SNX6: variants seen among roughly 807,000 people sequenced by gnomAD.
SNX6 encodes sorting nexin 6, also known as sorting nexin-6.
A neutral mutation model predicts 63.0 loss-of-function variants in SNX6; 34 were observed. The observed-to-expected ratio is 0.54, with a 90% confidence interval of 0.41 to 0.72. The LOEUF is 0.72. Ranked by LOEUF, SNX6 falls within the 30% of genes least tolerant of loss-of-function variation. SNX6 has a pLI of 0.00. For missense variants in SNX6, 398 were observed against 471.4 expected, an observed-to-expected ratio of 0.84 and a Z score of 1.44; for synonymous variants, 170 against 164.2, an observed-to-expected ratio of 1.04 and a Z score of -0.27.
At chr14:34,601,414 CG>C (rs1392104152) in intron 6 of SNX6, among the ~76,000 whole-genome samples, 1 of 150,898 alleles carries the variant, frequency 6.6e-6, no homozygotes, top group Non-Finnish European at 1.5e-5. Context: ...TAAGTAGAGA[CG>C]GGGTTTCACC....
intron 2 of SNX6, among the ~76,000 whole-genome samples, chr14:34,626,732 T>C (rs909653263): frequency 6.6e-6 from 1 of 150,458 alleles, no homozygotes; most frequent in Admixed American, 6.6e-5. Context: ...CATGAGCAAA[T>C]CTTTCTGAAG....
At position 34,587,798 on chromosome 14, in the gene SNX6, A is replaced by ATT. The variant is rs1168575667; in HGVS notation, c.719-1495_719-1494dup. On this transcript the variant is annotated intron_variant, in intron 8 of 13. Coordinates refer to ENST00000362031, the MANE Select transcript of SNX6 (RefSeq NM_152233.4). ...AGGCACATGCCACCACGGTTGGCTA[A>ATT]TTTTTTTTTTTTTTTTTTTTTGGCG... Among the ~76,000 whole-genome samples, 477 of 107,054 alleles carry ATT rather than the reference A, an allele frequency of 4.5e-3. 3 individuals are homozygous for ATT. The highest frequency in any genetic ancestry group is 0.015 in the African/African-American group (411 of 28,338). 70.2% of individuals were successfully genotyped at this position (107,054 alleles called of 152,430 possible).
intron 10 of SNX6, 125 bp from the exon 11 acceptor site, chr14:34,575,967 A>C (rs2138279048): frequency 2.4e-6 from 1 of 408,478 alleles, no homozygotes; most frequent in African/African-American, 2.2e-5. Flanking sequence ...TCTGTCACCC[A>C]GGCTGGAGTG....
chr14:34,577,637 G>A (rs1881762949), intron 10 of SNX6, among the ~76,000 whole-genome samples: 1 of 152,054 alleles, frequency 6.6e-6, no homozygotes, highest in Non-Finnish European at 1.5e-5. Context: ...CGGGACAGAG[G>A]ATGAAAAGAA....
chr14:34,610,547 A>T (rs1307195526), intron 2 of SNX6, among the ~76,000 whole-genome samples: 1 of 152,170 alleles, frequency 6.6e-6, no homozygotes, highest in Non-Finnish European at 1.5e-5. Context: ...GAAACTATCA[A>T]ATATAATTAA....
At chr14:34,628,121 G>T (rs1249100885) in intron 2 of SNX6, among the ~76,000 whole-genome samples, 2 of 152,110 alleles carry the variant, frequency 1.3e-5, no homozygotes, top group Non-Finnish European at 2.9e-5. Flanking sequence ...CTTAGGCCCA[G>T]GAGTTTGACA....
chr14:34,629,489 C>A (rs770424403), intron 2 of SNX6: 43 of 481,308 alleles, frequency 8.9e-5, no homozygotes, highest in South Asian at 6.0e-4. Context: ...GAAGGGTGGG[C>A]GGGAGCAAGT....
At chr14:34,597,524 C>G (rs182906660) in intron 7 of SNX6, 26 bp downstream of exon 7, 1 of 1,313,416 alleles carries the variant, frequency 7.6e-7, no homozygotes, top group East Asian at 2.3e-5. Context: ...TCAACTAATA[C>G]CACAGTTAAT....
chr14:34,569,072 C>T, intron 11 of SNX6: 1 of 1,151,140 alleles, frequency 8.7e-7, no homozygotes, highest in Non-Finnish European at 1.3e-6. Flanking sequence ...CTGAGGAAGG[C>T]TGCCAGAGCT....
At position 34,619,794 on chromosome 14, in the gene SNX6, T is replaced by C. The variant is rs115035391; in HGVS notation, c.55-10052A>G. 5.0e-3 allele frequency among the ~76,000 whole-genome samples: 755 copies of C among 152,228 alleles called. 5 individuals carry two copies. Among genetic ancestry groups the C allele is most frequent in the African/African-American group, 0.017 (715 of 41,540 alleles). On this transcript the variant is annotated intron_variant, in intron 2 of 13. Transcript: ENST00000362031. The stretch of plus-strand genomic sequence containing the variant: ...CTCCATGAATGCCATTCCAATACCT[T>C]TCCTGCTGGTCCCTTCAACTCTCAC...
chr14:34,562,931 G>T lies in SNX6; in HGVS notation c.*191C>A. Reference sequence around the variant, plus strand: ...CCACTGTCATGGGGAACACAGTGCGGCATCACGGCACACAGACTGGCATCG... The same window carrying T: ...CCACTGTCATGGGGAACACAGTGCGTCATCACGGCACACAGACTGGCATCG... On this transcript the variant is annotated 3_prime_UTR_variant, in exon 14 of 14. Coordinates refer to ENST00000362031, the MANE Select transcript of SNX6 (RefSeq NM_152233.4). 1.6e-6 allele frequency: 1 copy of T among 612,542 alleles called. No homozygotes were observed. The highest frequency in any genetic ancestry group is 2.9e-6 in the Non-Finnish European group (1 of 340,974). 37.9% of individuals were successfully genotyped at this position (612,542 alleles called of 1,614,324 possible). A position where few individuals can be genotyped will look rare whatever the true frequency, so the allele number is the denominator to read the frequency against.
chr14:34,613,114 A>G (rs1388326446), intron 2 of SNX6, among the ~76,000 whole-genome samples: 1 of 151,794 alleles, frequency 6.6e-6, no homozygotes, highest in Non-Finnish European at 1.5e-5. Context: ...GTGACCATGG[A>G]GGCAGATTAG....
intron 10 of SNX6, among the ~76,000 whole-genome samples, chr14:34,580,134 G>A (rs1881877161): frequency 6.6e-6 from 1 of 152,136 alleles, no homozygotes; most frequent in Non-Finnish European, 1.5e-5. Flanking sequence ...AGCCGAGATC[G>A]TGCCACTGCA....
intron 3 of SNX6, among the ~76,000 whole-genome samples, chr14:34,609,237 G>A (rs1016329305): frequency 6.6e-6 from 1 of 151,908 alleles, no homozygotes; most frequent in African/African-American, 2.4e-5. Context: ...TGTAATCCCA[G>A]CACTTTGGGC....
rs534215582 is a variant in SNX6, at chr14:34,605,032, CTATTAGTTTCATATATACTAGAAATG to C, written c.392+538_392+563del. 1.5e-3 allele frequency among the ~76,000 whole-genome samples: 223 copies of C among 152,200 alleles called. 3 individuals carry two copies. Among genetic ancestry groups the C allele is most frequent in the African/African-American group, 5.1e-3 (213 of 41,538 alleles). ...TTAAAAACTGTTTTTCATTAAATGACTATTAGTTTCATATATACTAGAAATGTATTAGTTTCTTGAAAAAACTGTGA... is the reference window on the plus strand; with the variant it reads ...TTAAAAACTGTTTTTCATTAAATGACTATTAGTTTCTTGAAAAAACTGTGA... On this transcript the variant is annotated intron_variant, in intron 5 of 13. Coordinates refer to ENST00000362031, the MANE Select transcript of SNX6 (RefSeq NM_152233.4).
rs749463259 is a variant in SNX6, at chr14:34,607,996, G to C, written c.270+34C>G. On this transcript the variant is annotated intron_variant, in intron 4 of 13. Transcript: ENST00000362031. ...ATAACGAAGTACCTAAAACCTCCTAGAAAATGGAATTAAAATGGAGTCTCA... is the reference window on the plus strand; with the variant it reads ...ATAACGAAGTACCTAAAACCTCCTACAAAATGGAATTAAAATGGAGTCTCA... 4.4e-6 allele frequency: 5 copies of C among 1,132,142 alleles called. No individual in the cohort carries two copies. In the African/African-American group the frequency reaches 4.7e-5, roughly 11 times the overall value. The allele number at this position is 1,132,142 out of a possible 1,614,324, so 70.1% of individuals were successfully genotyped here. A position where few individuals can be genotyped will look rare whatever the true frequency, so the allele number is the denominator to read the frequency against.
intron 2 of SNX6, among the ~76,000 whole-genome samples, chr14:34,621,150 G>A (rs1321085224): frequency 6.6e-6 from 1 of 151,844 alleles, no homozygotes; most frequent in African/African-American, 2.4e-5. Context: ...TCTCTCTACA[G>A]ACCCCAGACT....
intron 2 of SNX6, among the ~76,000 whole-genome samples, chr14:34,614,789 T>G (rs1265491152): frequency 6.6e-6 from 1 of 152,094 alleles, no homozygotes; most frequent in Non-Finnish European, 1.5e-5. Flanking sequence ...GTGGCCCACA[T>G]TTGTAGTCTC....
chr14:34,566,726 T>C (rs759172982), intron 13 of SNX6, among the ~76,000 whole-genome samples: 21 of 152,262 alleles, frequency 1.4e-4, no homozygotes, highest in Non-Finnish European at 2.4e-4. Flanking sequence ...GGCCAAACTT[T>C]CTATTAACTA....
Sources: gnomAD v4.1 joint callset for allele counts (sites outside exome capture counted in the v4.1 genomes callset) on GRCh38, gnomAD v4.1.1 for gene constraint, MANE v1.5 for transcripts, NCBI Gene and HGNC (gene_info 2026-07-23, HGNC 2026-07-21) for gene names.